The following NAV2 variants were observed in gnomAD, a reference collection of about 807,000 sequenced individuals.
NAV2 encodes neuron navigator 2.
In NAV2, 54 loss-of-function variants were observed where a neutral mutation model predicts 223.2. The observed-to-expected ratio is 0.24, with a 90% CI of 0.19 to 0.30. NAV2 has a LOEUF of 0.30. NAV2 is among the 10% of genes least tolerant of loss of function. The probability of loss-of-function intolerance (pLI) is 1.00; values close to 1 mark genes in which losing one functional copy is unlikely to be tolerated. For missense variants in NAV2, 2,806 were observed against 3,147.5 expected (o/e 0.89, Z 2.60); for synonymous variants, 1,279 against 1,239.3 (o/e 1.03, Z -0.67).
chr11:20,010,317 C>T (rs550669843), intron 11 of NAV2, among the ~76,000 whole-genome samples: 135 of 152,224 alleles, frequency 8.9e-4, no homozygotes, highest in African/African-American at 2.9e-3. Flanking sequence ...GATTTAGAGA[C>T]TCATTTACAA....
intron 5 of NAV2, among the ~76,000 whole-genome samples, chr11:19,887,667 G>A (rs1737871230): frequency 6.6e-6 from 1 of 152,166 alleles, no homozygotes; most frequent in African/African-American, 2.4e-5. Flanking sequence ...AAGGCAACCA[G>A]GCTGCCTCTA....
chr11:19,836,597 A>G (rs1465130164), intron 2 of NAV2, among the ~76,000 whole-genome samples: 1 of 151,768 alleles, frequency 6.6e-6, no homozygotes, highest in Non-Finnish European at 1.5e-5. Flanking sequence ...GATCTGATGA[A>G]TGAATTGCTT....
At chr11:19,543,631 C>G (rs2044399416) in intron 1 of NAV2, among the ~76,000 whole-genome samples, 1 of 152,204 alleles carries the variant, frequency 6.6e-6, no homozygotes, top group South Asian at 2.1e-4. Context: ...GATAGCTACC[C>G]TCTATGAGCT....
At chr11:19,373,763 C>T (rs1230853772) in intron 1 of NAV2, among the ~76,000 whole-genome samples, 7 of 152,184 alleles carry the variant, frequency 4.6e-5, no homozygotes, top group Admixed American at 1.3e-4. Flanking sequence ...TCATGATTGT[C>T]GCTATAGCCC....
At chr11:19,924,553 CTG>C (rs1485776836) in intron 6 of NAV2, among the ~76,000 whole-genome samples, 1 of 152,168 alleles carries the variant, frequency 6.6e-6, no homozygotes, top group Non-Finnish European at 1.5e-5. Flanking sequence ...AGGGTTCTGT[CTG>C]TTAGGATAAT....
chr11:19,929,645 A>G (rs1465288206), intron 6 of NAV2, among the ~76,000 whole-genome samples: 6 of 152,190 alleles, frequency 3.9e-5, no homozygotes, highest in African/African-American at 1.2e-4. Context: ...TTGAGTTTTA[A>G]TCTGAATTTT....
At chr11:19,788,725 G>C (rs998641888) in intron 1 of NAV2, among the ~76,000 whole-genome samples, 29 of 152,040 alleles carry the variant, frequency 1.9e-4, no homozygotes, top group African/African-American at 6.8e-4. Flanking sequence ...TCTTCCTCTG[G>C]TTCCTCGAAC....
At chr11:19,377,820 C>G (rs1167382313) in intron 1 of NAV2, among the ~76,000 whole-genome samples, 1 of 152,168 alleles carries the variant, frequency 6.6e-6, no homozygotes, top group East Asian at 1.9e-4. Flanking sequence ...TGAAAATTCC[C>G]AGGAATCCAA....
At chr11:19,954,654 G>A (rs561595127) in intron 10 of NAV2, among the ~76,000 whole-genome samples, 7 of 152,096 alleles carry the variant, frequency 4.6e-5, no homozygotes, top group South Asian at 2.1e-4. Flanking sequence ...AGGGTGCTTC[G>A]TGCTCTCATG....
At chr11:19,354,414 T>C (rs1200727956) in intron 1 of NAV2, among the ~76,000 whole-genome samples, 26 of 152,272 alleles carry the variant, frequency 1.7e-4, no homozygotes. Flanking sequence ...AATAGCTGCA[T>C]GTGGCTAGGG....
Position 19,934,187 on chromosome 11 carries a change from C to CA in NAV2, c.1944dup (p.Gly649ArgfsTer36). 1 of 1,614,086 alleles carries CA rather than the reference C, an allele frequency of 6.2e-7. No homozygotes were observed. The highest frequency in any genetic ancestry group is 8.5e-7 in the Non-Finnish European group (1 of 1,180,014). On this transcript the variant is annotated frameshift_variant, in exon 7 of 38. Transcript: ENST00000349880. LOFTEE classifies it high-confidence loss of function. ...GGGTCTGTCGGGACCACCCAGACCACAGGAAGCAATACCGTCAGTGTTCAG... is the reference window on the plus strand; with the variant it reads ...GGGTCTGTCGGGACCACCCAGACCACAAGGAAGCAATACCGTCAGTGTTCAG...
At chr11:20,044,853 T>C in intron 13 of NAV2, 115 bp from the exon 14 acceptor site, 1 of 791,946 alleles carries the variant, frequency 1.3e-6, no homozygotes, top group South Asian at 1.9e-5. Context: ...CTCTTTCCTC[T>C]GCCTCCCCAA....
chr11:19,945,200 CCCTTTCTTT>C (rs146344591), intron 8 of NAV2, among the ~76,000 whole-genome samples: 37,126 of 103,912 alleles, frequency 0.36, 6,433 homozygotes, highest in Admixed American at 0.4. Context: ...CCCTTCCCTT[CCCTTTCTTT>C]CCTTTCCTTC....
At chr11:19,670,480 G>T (rs530948873) in intron 1 of NAV2, among the ~76,000 whole-genome samples, 4 of 152,200 alleles carry the variant, frequency 2.6e-5, no homozygotes, top group Non-Finnish European at 5.9e-5. Context: ...AGGGAACCCC[G>T]CGGAGAGGGG....
intron 1 of NAV2, among the ~76,000 whole-genome samples, chr11:19,488,406 G>A (rs1311439489): frequency 1.3e-5 from 2 of 152,226 alleles, no homozygotes; most frequent in African/African-American, 4.8e-5. Flanking sequence ...TATGGATAGA[G>A]AGTATTCTCA....
intron 1 of NAV2, chr11:19,511,494 T>C (rs2043278882): frequency 6.6e-6 from 1 of 152,128 alleles, no homozygotes; most frequent in Non-Finnish European, 1.5e-5. Context: ...CTAAGACTGA[T>C]CATGGTGATG....
chr11:19,933,434 A>G lies in NAV2; in HGVS notation c.1190A>G (p.Asn397Ser). 1 of 1,593,076 alleles carries G rather than the reference A, an allele frequency of 6.3e-7. No individual in the cohort carries two copies. The highest frequency in any genetic ancestry group is 8.5e-7 in the Non-Finnish European group (1 of 1,170,212). The part of the protein sequence containing the change: ...TPEAMKPAPN[N>S]QKSMLEKLKL... The stretch of plus-strand genomic sequence containing the variant: ...GAAGCCATGAAGCCGGCCCCCAACA[A>G]TCAGAAGTCCATGCTGGAAAAGCTG... Residue 397 changes from asparagine to serine, a missense_variant, in exon 7 of 38, where the codon AAT becomes AGT. By Grantham distance (46) the Asn-to-Ser change is conservative. Coordinates refer to ENST00000349880, the MANE Select transcript of NAV2 (RefSeq NM_145117.5). This position sits in a 1 kb window ranked among gnomAD's most constrained non-coding sequence, Gnocchi z 4.3.
At chr11:19,536,132 G>A (rs373588478) in intron 1 of NAV2, among the ~76,000 whole-genome samples, 2 of 152,140 alleles carry the variant, frequency 1.3e-5, no homozygotes, top group East Asian at 1.9e-4. Context: ...AATGCTTTAC[G>A]TACATGGTCC....
At chr11:19,641,732 T>A (rs4757833) in intron 1 of NAV2, among the ~76,000 whole-genome samples, 8,940 of 152,042 alleles carry the variant, frequency 0.059, 650 homozygotes, top group African/African-American at 0.16. Context: ...TCCTTCAGGC[T>A]TTGGCTCAAA....
Sources: gnomAD v4.1 joint callset for allele counts (sites outside exome capture counted in the v4.1 genomes callset) on GRCh38, gnomAD v4.1.1 for gene constraint, Gnocchi (gnomAD v3.1) non-coding constraint, MANE v1.5 for transcripts, NCBI Gene and HGNC (gene_info 2026-07-23, HGNC 2026-07-21) for gene names.